Variants in HELZ observed in about 807,000 individuals in gnomAD.
HELZ encodes ATP-dependent RNA helicase with zinc finger domain.
In HELZ, 23 loss-of-function variants were observed where a neutral mutation model predicts 218.2. That is an observed-to-expected ratio of 0.11 (90% confidence interval 0.08 to 0.15). The LOEUF (loss-of-function observed/expected upper bound fraction) is 0.15, where lower values mean the gene tolerates loss of function less well. Among genes scored for constraint, HELZ ranks in the 10% least tolerant of loss-of-function variants. The pLI, the probability that HELZ is intolerant of heterozygous loss-of-function variation, is 1.00. For synonymous variants in HELZ, 814 were observed against 829.4 expected (o/e 0.98, Z 0.32); for missense variants, 1,813 against 2,353.7 (o/e 0.77, Z 4.75).
At chr17:67,245,423 T>TCTC (rs2041457386), upstream of HELZ, 1 of 931,942 alleles carries the variant, frequency 1.1e-6, no homozygotes, top group Non-Finnish European at 1.3e-6. Context: ...TTTCTCCCTT[T>TCTC]CTCCTGCCCC....
intron 23 of HELZ, among the ~76,000 whole-genome samples, chr17:67,132,519 T>C (rs7212460): frequency 0.085 from 12,936 of 152,220 alleles, 1,791 homozygotes; most frequent in African/African-American, 0.29. Context: ...AACCACATAA[T>C]AGCTATGTGA....
intron 4 of HELZ, 149 bp from the exon 5 acceptor site, chr17:67,216,084 C>T (rs2040592293): frequency 1.5e-6 from 1 of 653,004 alleles, no homozygotes; most frequent in South Asian, 1.7e-5. Flanking sequence ...CACATGTGCC[C>T]TCTGAGGATT....
chr17:67,123,209 T>C (rs1297521923), intron 25 of HELZ, 49 bp from the exon 26 acceptor site: 4 of 1,109,406 alleles, frequency 3.6e-6, no homozygotes, highest in Non-Finnish European at 5.0e-6. Flanking sequence ...TACATAGTCA[T>C]CCAGAAAAAA....
intron 3 of HELZ, among the ~76,000 whole-genome samples, chr17:67,235,228 C>CG (rs2041144834): frequency 6.6e-6 from 1 of 151,936 alleles, no homozygotes; most frequent in Non-Finnish European, 1.5e-5. Flanking sequence ...AACAGAAGGC[C>CG]GGGCGCGGTG....
At chr17:67,224,655 A>C (rs2040842444) in intron 3 of HELZ, 2 of 644,606 alleles carry the variant, frequency 3.1e-6, no homozygotes, top group Admixed American at 2.0e-5. Flanking sequence ...CAAATGGCTT[A>C]GTGTGATATA....
chr17:67,185,968 A>G (rs2039742591), intron 12 of HELZ, among the ~76,000 whole-genome samples: 1 of 152,124 alleles, frequency 6.6e-6, no homozygotes, highest in Admixed American at 6.6e-5. Flanking sequence ...CAGAAAGGAG[A>G]TTCTTTGTTT....
At chr17:67,125,193 A>G (rs1444063784) in intron 24 of HELZ, among the ~76,000 whole-genome samples, 2 of 146,916 alleles carry the variant, frequency 1.4e-5, no homozygotes, top group African/African-American at 5.2e-5. Flanking sequence ...AAAGTCATAA[A>G]AAAGCCTCAT....
intron 22 of HELZ, among the ~76,000 whole-genome samples, chr17:67,137,278 T>G (rs749599397): frequency 1.3e-5 from 2 of 152,210 alleles, no homozygotes; most frequent in Non-Finnish European, 2.9e-5. Context: ...TCTTGATCAT[T>G]CACTACCCTA....
At chr17:67,165,163 G>C (rs2039104691) in intron 15 of HELZ, among the ~76,000 whole-genome samples, 1 of 152,182 alleles carries the variant, frequency 6.6e-6, no homozygotes, top group African/African-American at 2.4e-5. Context: ...GAATAAGAAA[G>C]AATACTGGAA....
At chr17:67,197,570 T>C (rs1413110411) in intron 7 of HELZ, among the ~76,000 whole-genome samples, 1 of 152,192 alleles carries the variant, frequency 6.6e-6, no homozygotes, top group African/African-American at 2.4e-5. Context: ...ACCTGCCAGA[T>C]TGCTTTTCAT....
At chr17:67,139,541 A>G (rs889550663) in intron 21 of HELZ, among the ~76,000 whole-genome samples, 1 of 152,198 alleles carries the variant, frequency 6.6e-6, no homozygotes, top group African/African-American at 2.4e-5. Flanking sequence ...TAGAATGATG[A>G]TATGAGTCAT....
chr17:67,081,859 T>C (rs973577051), intron 32 of HELZ, among the ~76,000 whole-genome samples: 3 of 152,074 alleles, frequency 2.0e-5, no homozygotes, highest in African/African-American at 7.2e-5. Flanking sequence ...TTTAGCTAGA[T>C]TACTTTGGAA....
chr17:67,209,964 T>G (rs1598428260), intron 5 of HELZ, among the ~76,000 whole-genome samples: 1 of 151,976 alleles, frequency 6.6e-6, no homozygotes, highest in African/African-American at 2.4e-5. Context: ...ACCTGTAATC[T>G]CAACACTTTG....
At chr17:67,130,746 C>T (rs1250253320) in intron 23 of HELZ, among the ~76,000 whole-genome samples, 1 of 152,182 alleles carries the variant, frequency 6.6e-6, no homozygotes, top group Non-Finnish European at 1.5e-5. Context: ...CTATTACATA[C>T]TACATTCAAA....
upstream of HELZ, chr17:67,245,312 G>A (rs1307757451): frequency 1.7e-5 from 14 of 821,188 alleles, no homozygotes; most frequent in African/African-American, 2.0e-5. Context: ...AAGTTGCCCC[G>A]GGTGGACTGC....
chr17:67,123,315 A>C (rs2037675649), intron 25 of HELZ, among the ~76,000 whole-genome samples, 155 bp from the exon 26 acceptor site: 1 of 152,068 alleles, frequency 6.6e-6, no homozygotes, highest in African/African-American at 2.4e-5. Flanking sequence ...AAAGCATATT[A>C]CAAAAAAAAA....
At chr17:67,091,711 C>T (rs557747916) in intron 31 of HELZ, among the ~76,000 whole-genome samples, 2 of 152,264 alleles carry the variant, frequency 1.3e-5, no homozygotes, top group South Asian at 4.1e-4. Context: ...GGTAATTTTT[C>T]ACTGAAATAT....
At chr17:67,228,012 A>C (rs1283240683) in intron 3 of HELZ, among the ~76,000 whole-genome samples, 1 of 152,214 alleles carries the variant, frequency 6.6e-6, no homozygotes, top group Non-Finnish European at 1.5e-5. Context: ...TGATTTCTGC[A>C]TCTCTGTCTT....
intron 3 of HELZ, among the ~76,000 whole-genome samples, chr17:67,232,395 G>A (rs1236239989): frequency 1.3e-5 from 2 of 152,064 alleles, no homozygotes; most frequent in Non-Finnish European, 2.9e-5. Context: ...CTCATGATCC[G>A]CCCGCCTCAG....
Sources: allele counts gnomAD v4.1 joint callset (sites outside exome capture counted in the v4.1 genomes callset), GRCh38; gene constraint gnomAD v4.1.1; transcripts MANE v1.5; gene names NCBI Gene and HGNC (gene_info 2026-07-23, HGNC 2026-07-21).